RABGAP1L: variants seen among roughly 807,000 people sequenced by gnomAD.
RABGAP1L encodes the protein RAB GTPase activating protein 1 like.
RABGAP1L carries 63 observed loss-of-function variants against 137.7 expected under a neutral mutation model. That is an observed-to-expected ratio of 0.46 (90% CI 0.37 to 0.56). RABGAP1L has a LOEUF of 0.56. Among genes scored for constraint, RABGAP1L ranks in the 20% least tolerant of loss-of-function variants. RABGAP1L has a pLI of 0.00. For missense variants in RABGAP1L, 1,095 were observed against 1,244.0 expected (o/e 0.88, Z 1.80); for synonymous variants, 431 against 433.7 (o/e 0.99, Z 0.08).
chr1:174,641,179 C>T (rs1326142988), intron 14 of RABGAP1L, among the ~76,000 whole-genome samples: 1 of 151,826 alleles, frequency 6.6e-6, no homozygotes, highest in Non-Finnish European at 1.5e-5. Context: ...GAAATCAACT[C>T]TGTTTTCAAG....
At chr1:174,433,019 A>C (rs1349509934) in intron 13 of RABGAP1L, among the ~76,000 whole-genome samples, 1 of 152,214 alleles carries the variant, frequency 6.6e-6, no homozygotes. Context: ...TTATCTTACT[A>C]TCAGTGAGCT....
intron 13 of RABGAP1L, among the ~76,000 whole-genome samples, chr1:174,470,044 A>C (rs1187860514): frequency 6.6e-6 from 1 of 152,106 alleles, no homozygotes; most frequent in African/African-American, 2.4e-5. Flanking sequence ...TGTATATGAG[A>C]TCTTGACCAT....
intron 18 of RABGAP1L, among the ~76,000 whole-genome samples, chr1:174,771,161 G>A (rs1267450218): frequency 1.3e-5 from 2 of 152,166 alleles, no homozygotes; most frequent in Admixed American, 1.3e-4. Context: ...ACATTTGAGG[G>A]GGATGCGCAG....
In RABGAP1L at chr1:174,278,929, G is replaced by GA. The variant is rs552762804; in HGVS notation, c.1323+155dup. ...TTTGAAGTCAACCAATAGAGTGTTT[G>GA]AAAAAGTCACATCTAGGTAATATTA... is the stretch of plus-strand genomic sequence containing the variant. On this transcript the variant is annotated intron_variant, in intron 10 of 25. Transcript: ENST00000681986. The GA allele has an allele frequency of 1.8e-4, 128 of 702,170 alleles. No homozygotes were observed. In the East Asian group the frequency reaches 3.8e-3, roughly 21 times the overall value. 43.5% of individuals were successfully genotyped at this position (702,170 alleles called of 1,614,324 possible).
At chr1:174,891,104 T>C (rs1375902113) in intron 19 of RABGAP1L, among the ~76,000 whole-genome samples, 2 of 152,256 alleles carry the variant, frequency 1.3e-5, no homozygotes, top group African/African-American at 4.8e-5. Flanking sequence ...CAGCAGTGTA[T>C]ATCTGTGCCT....
intron 13 of RABGAP1L, among the ~76,000 whole-genome samples, chr1:174,555,957 T>C (rs911791260): frequency 8.6e-5 from 13 of 151,350 alleles, no homozygotes; most frequent in Non-Finnish European, 1.3e-4. Flanking sequence ...TTGGATCATA[T>C]AGTGGGAATG....
At chr1:174,167,854 A>G (rs763036793) in intron 1 of RABGAP1L, among the ~76,000 whole-genome samples, 2 of 152,172 alleles carry the variant, frequency 1.3e-5, no homozygotes, top group Non-Finnish European at 2.9e-5. Context: ...GTGCTTCAAG[A>G]TGTCGTAATT....
chr1:174,866,263 A>G (rs1651231163), intron 19 of RABGAP1L, among the ~76,000 whole-genome samples: 1 of 152,156 alleles, frequency 6.6e-6, no homozygotes, highest in Admixed American at 6.6e-5. Flanking sequence ...ATAGAAATAT[A>G]AAAACATATT....
intron 13 of RABGAP1L, among the ~76,000 whole-genome samples, chr1:174,408,727 T>C (rs1014733872): frequency 7.9e-6 from 1 of 125,938 alleles, no homozygotes; most frequent in Non-Finnish European, 1.6e-5. Context: ...TGAGCATCTG[T>C]TGTTTTTTTT....
At chr1:174,936,415 C>A (rs1301410406) in intron 19 of RABGAP1L, among the ~76,000 whole-genome samples, 1 of 152,054 alleles carries the variant, frequency 6.6e-6, no homozygotes, top group Non-Finnish European at 1.5e-5. Context: ...CCAGCCTGGG[C>A]AACATGGCGA....
At chr1:174,169,838 A>G in intron 1 of RABGAP1L, among the ~76,000 whole-genome samples, 1 of 136,142 alleles carries the variant, frequency 7.3e-6, no homozygotes, top group South Asian at 2.3e-4. Flanking sequence ...GGACTATAGG[A>G]CTGTACCCAC....
At chr1:174,609,453 C>A (rs1400164535) in intron 13 of RABGAP1L, among the ~76,000 whole-genome samples, 1 of 151,930 alleles carries the variant, frequency 6.6e-6, no homozygotes, top group Non-Finnish European at 1.5e-5. Flanking sequence ...ATATCAAAAG[C>A]AAAAATGTAT....
At chr1:174,783,707 C>CTTTTTTTTTTTTT (rs34367315) in intron 18 of RABGAP1L, among the ~76,000 whole-genome samples, 21 of 102,470 alleles carry the variant, frequency 2.0e-4, no homozygotes, top group Non-Finnish European at 3.3e-4. Context: ...TCTTCTTCTT[C>CTTTTTTTTTTTTT]TTTTTTTTTT....
At chr1:174,283,495 T>TG (rs1438095478) in intron 10 of RABGAP1L, among the ~76,000 whole-genome samples, 2 of 150,614 alleles carry the variant, frequency 1.3e-5, no homozygotes, top group African/African-American at 2.5e-5. Context: ...GAAGAGTTGC[T>TG]GTTTTTTTTG....
intron 10 of RABGAP1L, among the ~76,000 whole-genome samples, chr1:174,280,471 G>T (rs369542247): frequency 2.0e-5 from 3 of 152,166 alleles, no homozygotes; most frequent in African/African-American, 7.2e-5. Flanking sequence ...AACTTGTCCT[G>T]TACCCAGACA....
intron 13 of RABGAP1L, among the ~76,000 whole-genome samples, chr1:174,575,453 T>C (rs1668303108): frequency 6.6e-6 from 1 of 152,050 alleles, no homozygotes; most frequent in African/African-American, 2.4e-5. Context: ...CCTCATTCCA[T>C]CCCCAGATTT....
At chr1:174,361,989 G>T (rs1428760650) in intron 11 of RABGAP1L, among the ~76,000 whole-genome samples, 2 of 152,138 alleles carry the variant, frequency 1.3e-5, no homozygotes, top group African/African-American at 4.8e-5. Flanking sequence ...GTGTGCCCAT[G>T]TGTTCTCACC....
At chr1:174,479,283 C>T (rs1397759320) in intron 13 of RABGAP1L, among the ~76,000 whole-genome samples, 1 of 152,180 alleles carries the variant, frequency 6.6e-6, no homozygotes, top group Admixed American at 6.5e-5. Flanking sequence ...CTTCCTAATG[C>T]ATTTGCCCAG....
intron 13 of RABGAP1L, among the ~76,000 whole-genome samples, chr1:174,599,147 G>A (rs1361793057): frequency 6.6e-6 from 1 of 152,084 alleles, no homozygotes; most frequent in Non-Finnish European, 1.5e-5. Flanking sequence ...ATAACATTTT[G>A]TAACCAATCA....
Sources: allele counts gnomAD v4.1 joint callset (sites outside exome capture counted in the v4.1 genomes callset), GRCh38; gene constraint gnomAD v4.1.1; transcripts MANE v1.5; gene names NCBI Gene and HGNC (gene_info 2026-07-23, HGNC 2026-07-21).